TTN: variants seen among roughly 807,000 people sequenced by gnomAD.
The protein encoded by TTN is titin, also known as connectin.
TTN carries 1,525 observed loss-of-function variants against 3,223.0 expected under a neutral mutation model. The observed-to-expected ratio is 0.47, with a 90% confidence interval of 0.45 to 0.49. The LOEUF is 0.49. TTN is among the 20% of genes least tolerant of loss of function. The probability of loss-of-function intolerance (pLI) is 0.00; values close to 1 mark genes in which losing one functional copy is unlikely to be tolerated. For missense variants in TTN, 40,786 were observed against 43,424.0 expected, an observed-to-expected ratio of 0.94 and a Z score of 5.40; for synonymous variants, 14,094 against 15,161.0, an observed-to-expected ratio of 0.93 and a Z score of 5.17.
In TTN at chr2:178,741,589, T is replaced by C. The variant is rs2082491063; in HGVS notation, c.11644A>G (p.Thr3882Ala). The change falls in exon 48 of 363, where the codon ACC (threonine) becomes GCC (alanine). Residue 3882 changes from threonine to alanine, a missense_variant. By Grantham distance (58) the Thr-to-Ala change is moderately conservative. Coordinates refer to ENST00000589042, the MANE Select transcript of TTN (RefSeq NM_001267550.2). ...GDDHSLIILF[T>A]KLEDEGEYTC... ...TACTCTCCCTCATCCTCCAATTTGG[T>C]GAACAGAATGATCAGGCTATGATCA... 6.2e-7 allele frequency: 1 copy of C among 1,613,698 alleles called. No individual in the cohort carries two copies. The highest frequency in any genetic ancestry group is 1.3e-5 in the African/African-American group (1 of 74,898).
chr2:178,735,930 G>T lies in TTN; in HGVS notation c.14516C>A (p.Pro4839His), dbSNP rs1478089830. The stretch of plus-strand genomic sequence containing the variant: ...TTCTGCGTCGGAAATCCTCCAGTTA[G>T]GTGAAGGTGAGAGTGCAGCACCATC... ...QKDGAALSPS[P>H]NWRISDAENK... The change falls in exon 50 of 363, where the codon CCT becomes CAT. Residue 4839 changes from proline to histidine, a missense_variant. Physicochemically the swap from Pro to His is moderately conservative, Grantham distance 77. Coordinates refer to ENST00000589042, the MANE Select transcript of TTN (RefSeq NM_001267550.2). The T allele has an allele frequency of 1.2e-6, 2 of 1,613,756 alleles. No homozygotes were observed. Among genetic ancestry groups the T allele is most frequent in the African/African-American group, 2.7e-5 (2 of 74,918 alleles).
chr2:178,753,302 A>G (rs2154332406), intron 46 of TTN, 122 bp from the exon 47 acceptor site: 1 of 714,990 alleles, frequency 1.4e-6, no homozygotes, highest in Non-Finnish European at 2.3e-6. Context: ...TACATTCCCC[A>G]AATTTACCAA....
At position 178,740,191 on chromosome 2, in the gene TTN, T is replaced by C; in HGVS notation, c.13042A>G (p.Asn4348Asp). The C allele has an allele frequency of 6.2e-7, 1 of 1,613,518 alleles. No individual in the cohort carries two copies. The highest frequency in any genetic ancestry group is 8.5e-7 in the Non-Finnish European group (1 of 1,179,704). ...ATTTGGTCTGGGGGCATCACCACGT[T>C]GTCAGAATGCTCTTCTTTGAGCAGT... is the stretch of plus-strand genomic sequence containing the variant. ...QVLLKEEHSD[N>D]VVMPPDQIIE... Residue 4348 changes from asparagine (N) to aspartate (D), a missense_variant, in exon 48 of 363, where the codon AAC becomes GAC. Asn to Asp is a conservative substitution (Grantham distance 23). Transcript: ENST00000589042.
chr2:178,621,979 A>C lies in TTN; in HGVS notation c.44943T>G (p.Ile14981Met). 6.2e-7 allele frequency: 1 copy of C among 1,610,166 alleles called. No individual in the cohort carries two copies. Among genetic ancestry groups the C allele is most frequent in the Non-Finnish European group, 8.5e-7 (1 of 1,177,954 alleles). Residue 14981 changes from isoleucine to methionine, a missense_variant, in exon 244 of 363, where the codon ATT (isoleucine) becomes ATG (methionine). Ile to Met is a conservative substitution (Grantham distance 10). Transcript: ENST00000589042. ...KVKWFKDGAE[I>M]KKGKKYDIIS... ...TGATGTCATATTTTTTGCCCTTTTTAATTTCAGCACCATCTTTAAACCACT... is the reference window on the plus strand; with the variant it reads ...TGATGTCATATTTTTTGCCCTTTTTCATTTCAGCACCATCTTTAAACCACT...
In TTN at chr2:178,647,090, C is replaced by A; in HGVS notation, c.40196G>T (p.Gly13399Val). 7.3e-7 allele frequency: 1 copy of A among 1,371,204 alleles called. No individual in the cohort carries two copies. The highest frequency in any genetic ancestry group is 1.8e-5 in the South Asian group (1 of 56,410). The allele number at this position is 1,371,204 out of a possible 1,614,324, so 84.9% of individuals were successfully genotyped here. A position where few individuals can be genotyped will look rare whatever the true frequency, so the allele number is the denominator to read the frequency against. ...TTCAACAGGGGGAGTCTCTTTTCTA[C>A]CAATGGTTATAGATGCTTTTTCTTC... ...IYEEKASITI[G>V]RKETPPVEER... The change falls in exon 215 of 363, where the codon GGT becomes GTT. Residue 13399 changes from glycine (G) to valine (V), a missense_variant. By Grantham distance (109) the Gly-to-Val change is moderately radical. Coordinates refer to ENST00000589042, the MANE Select transcript of TTN (RefSeq NM_001267550.2).
At position 178,719,156 on chromosome 2, in the gene TTN, A is replaced by G; in HGVS notation, c.24226+8T>C. 6.2e-7 allele frequency: 1 copy of G among 1,606,810 alleles called. No homozygotes were observed. The highest frequency in any genetic ancestry group is 1.1e-5 in the South Asian group (1 of 90,446). On this transcript the variant is annotated splice_region_variant and intron_variant, in intron 83 of 362. Transcript: ENST00000589042. ...AGAGAAGCAGCAGCTTTATCCTTGC[A>G]CACTGACCTTGCACAGTCAGGACTG...
In TTN at chr2:178,532,393, G is replaced by A. The variant is rs727505306; in HGVS notation, c.104222C>T (p.Thr34741Ile). The change falls in exon 358 of 363, where the codon ACA becomes ATA. Residue 34741 changes from threonine (T) to isoleucine (I), a missense_variant. By Grantham distance (89) the Thr-to-Ile change is moderately conservative. Coordinates refer to ENST00000589042, the MANE Select transcript of TTN (RefSeq NM_001267550.2). ...YHIPTKAEAS[T>I]SYAELRERHA... is the part of the protein sequence containing the mutation. ...CCGTTCCCTCAGTTCTGCATAACTTGTACTAGCTTCAGCCTTCGTTGGGAT... is the reference window on the plus strand; with the variant it reads ...CCGTTCCCTCAGTTCTGCATAACTTATACTAGCTTCAGCCTTCGTTGGGAT... 18 of 1,613,818 alleles carry A rather than the reference G, an allele frequency of 1.1e-5. No homozygotes were observed. Among genetic ancestry groups the A allele is most frequent in the African/African-American group, 2.7e-5 (2 of 74,906 alleles).
Position 178,723,067 on chromosome 2 carries a change from C to T in TTN, c.21940G>A (p.Gly7314Arg), listed in dbSNP as rs2078695205. 2 of 1,613,424 alleles carry T rather than the reference C, an allele frequency of 1.2e-6. No homozygotes were observed. Among genetic ancestry groups the T allele is most frequent in the Admixed American group, 1.7e-5 (1 of 59,954 alleles). ...ACACCTAATGTAGATACCAGAGCTC[C>T]ACAAACATCCCTTCCTGCCTCATTT... The part of the protein sequence containing the change: ...IENEAGRDVC[G>R]ALVSTLEPPY... The change falls in exon 75 of 363, where the codon GGA (glycine) becomes AGA (arginine). Residue 7314 changes from glycine to arginine, a missense_variant. By Grantham distance (125) the Gly-to-Arg change is moderately radical. Coordinates refer to ENST00000589042, the MANE Select transcript of TTN (RefSeq NM_001267550.2).
At chr2:178,795,334 G>T in intron 6 of TTN, 82 bp from the exon 7 acceptor site, 1 of 1,329,094 alleles carries the variant, frequency 7.5e-7, no homozygotes, top group Non-Finnish European at 1.1e-6. Flanking sequence ...AAAGCTGGAA[G>T]TGCTTTAAGG....
At position 178,615,652 on chromosome 2, in the gene TTN, G is replaced by C; in HGVS notation, c.48449C>G (p.Ser16150Ter). Residue 16150 changes from serine to a stop codon, truncating the protein, a stop_gained, in exon 258 of 363, where the codon TCA becomes TGA. Transcript: ENST00000589042. LOFTEE classifies it high-confidence loss of function. The part of the protein sequence containing the change: ...PAYVDEPVNM[S>*]TPATVPDPPE... ...AAGAATGTACTCACTTGCAGGAGTT[G>C]ACATATTTACAGGTTCATCAACATA... The C allele has an allele frequency of 6.2e-7, 1 of 1,612,304 alleles. No homozygotes were observed. The highest frequency in any genetic ancestry group is 1.1e-5 in the South Asian group (1 of 90,926).
chr2:178,729,182 AAG>A lies in TTN; in HGVS notation c.18869-15_18869-14del. ...AATGATGGTGGTTCTGTGATTAAAT[AAG>A]AGAGTGTGAAAAGAAGAAACATATT... On this transcript the variant is annotated splice_polypyrimidine_tract_variant and intron_variant, in intron 64 of 362. Coordinates refer to ENST00000589042, the MANE Select transcript of TTN (RefSeq NM_001267550.2). 1 of 1,559,258 alleles carries A rather than the reference AAG, an allele frequency of 6.4e-7. No homozygotes were observed. The highest frequency in any genetic ancestry group is 2.3e-5 in the East Asian group (1 of 44,338).
At chr2:178,601,954 C>T in intron 284 of TTN, 40 bp from the exon 285 acceptor site, 1 of 1,612,628 alleles carries the variant, frequency 6.2e-7, no homozygotes, top group Non-Finnish European at 8.5e-7. Flanking sequence ...TATAAATACT[C>T]CTTATAGTGA....
At position 178,663,639 on chromosome 2, in the gene TTN, G is replaced by T. The variant is rs762482452; in HGVS notation, c.36520C>A (p.Pro12174Thr). Residue 12174 changes from proline to threonine, a missense_variant, in exon 171 of 363, where the codon CCA (proline) becomes ACA (threonine). Transcript: ENST00000589042. ...CAGTGACAAATACCTTTAACAGGTG[G>T]GACTTCAGGCTCTTTAGGAGGAGCC... ...PVAPPKEPEV[P>T]PVKVPEAPKE... 63 of 1,613,582 alleles carry T rather than the reference G, an allele frequency of 3.9e-5. No individual in the cohort carries two copies. The highest frequency in any genetic ancestry group is 5.0e-5 in the Admixed American group (3 of 59,940).
rs780933763 is a variant in TTN at position 178,625,461 on chromosome 2, T to C, written c.44425-65A>G. Reference sequence around the variant, plus strand: ...TAGTATATGGGTGCATTTAATTCATTTAGATAAAAATAAATGGAAATAGAG... The same window carrying C: ...TAGTATATGGGTGCATTTAATTCATCTAGATAAAAATAAATGGAAATAGAG... On this transcript the variant is annotated intron_variant, in intron 240 of 362. Coordinates refer to ENST00000589042, the MANE Select transcript of TTN (RefSeq NM_001267550.2). The C allele has an allele frequency of 2.8e-6, 4 of 1,439,718 alleles. No homozygotes were observed. The African/African-American group carries it at 5.9e-5, about 21-fold the overall frequency. 89.2% of individuals were successfully genotyped at this position (1,439,718 alleles called of 1,614,324 possible). A position where few individuals can be genotyped will look rare whatever the true frequency, so the allele number is the denominator to read the frequency against.
Position 178,542,740 on chromosome 2 carries a change from T to C in TTN, c.97114A>G (p.Arg32372Gly), listed in dbSNP as rs1298215224. 3.1e-6 allele frequency: 5 copies of C among 1,613,538 alleles called. No individual in the cohort carries two copies. The highest frequency in any genetic ancestry group is 1.3e-5 in the African/African-American group (1 of 74,922). Residue 32372 changes from arginine to glycine, a missense_variant, in exon 348 of 363, where the codon AGA (arginine) becomes GGA (glycine). Coordinates refer to ENST00000589042, the MANE Select transcript of TTN (RefSeq NM_001267550.2). The part of the protein sequence containing the change: ...AKLTIRETTI[R>G]DTGEYTLELK... ...TCAAGTGTGTATTCTCCAGTATCTC[T>C]GATAGTGGTTTCACGGATGGTTAAT...
chr2:178,648,228 C>T (rs2062333473), intron 213 of TTN, among the ~76,000 whole-genome samples: 2 of 152,020 alleles, frequency 1.3e-5, no homozygotes, highest in African/African-American at 4.8e-5. Context: ...TGAAGTACTC[C>T]AAAATATGAC....
intron 349 of TTN, 197 bp from the exon 350 acceptor site, chr2:178,541,781 T>G: frequency 3.0e-6 from 1 of 331,376 alleles, no homozygotes; most frequent in Non-Finnish European, 4.9e-6. Flanking sequence ...TTATTTTTAT[T>G]AAAAATTTTT....
At chr2:178,745,862 G>T (rs539352436) in intron 47 of TTN, 1 of 1,612,852 alleles carries the variant, frequency 6.2e-7, no homozygotes, top group Non-Finnish European at 8.5e-7. Context: ...AAACCTGGGA[G>T]GCCCTTCCAC....
chr2:178,526,904 C>A lies in TTN; in HGVS notation c.*108G>T. On this transcript the variant is annotated 3_prime_UTR_variant, in exon 363 of 363. Coordinates refer to ENST00000589042, the MANE Select transcript of TTN (RefSeq NM_001267550.2). ...GAACTTTGACTCATTTAGGTTGATA[C>A]AAAACTACTTTTTTTTCTTTAAATA... 2 of 1,102,188 alleles carry A rather than the reference C, an allele frequency of 1.8e-6. No homozygotes were observed. The highest frequency in any genetic ancestry group is 2.0e-5 in the South Asian group (1 of 51,136). 68.3% of individuals were successfully genotyped at this position (1,102,188 alleles called of 1,614,324 possible). A position where few individuals can be genotyped will look rare whatever the true frequency, so the allele number is the denominator to read the frequency against.
Sources: gnomAD v4.1 joint callset for allele counts (sites outside exome capture counted in the v4.1 genomes callset) on GRCh38, gnomAD v4.1.1 for gene constraint, MANE v1.5 for transcripts, NCBI Gene and HGNC (gene_info 2026-07-23, HGNC 2026-07-21) for gene names.